Variants in DAAM2 observed in about 807,000 individuals in gnomAD.
The protein encoded by DAAM2 is disheveled-associated activator of morphogenesis 2.
Under a neutral mutation model 120.7 loss-of-function variants are expected in DAAM2, and 39 were observed. That is an observed-to-expected ratio of 0.32 (90% CI 0.25 to 0.42). The LOEUF is 0.42. Among genes scored for constraint, DAAM2 ranks in the 10% least tolerant of loss-of-function variants. The pLI is 1.00. For missense variants in DAAM2, 1,283 were observed against 1,401.7 expected (o/e 0.92, Z 1.35); for synonymous variants, 488 against 524.9 (o/e 0.93, Z 0.96).
rs1390604241 is a variant in DAAM2, at chr6:39,904,118, C to G, written c.*2081C>G. On this transcript the variant is annotated 3_prime_UTR_variant, in exon 25 of 25. Coordinates refer to ENST00000274867, the MANE Select transcript of DAAM2 (RefSeq NM_001201427.2). Reference sequence around the variant, plus strand: ...CCACAAGCGTGTCTGGCATTCCCACCCACCATGGAAGACTGGATACGCACC... The same window carrying G: ...CCACAAGCGTGTCTGGCATTCCCACGCACCATGGAAGACTGGATACGCACC... 4.5e-6 allele frequency: 2 copies of G among 444,812 alleles called. No homozygotes were observed. Among genetic ancestry groups the G allele is most frequent in the African/African-American group, 2.0e-5 (1 of 49,528 alleles). 27.6% of individuals were successfully genotyped at this position (444,812 alleles called of 1,614,324 possible). A position where few individuals can be genotyped will look rare whatever the true frequency, so the allele number is the denominator to read the frequency against.
intron 3 of DAAM2, 129 bp downstream of exon 3, chr6:39,861,146 C>G (rs1402650929): frequency 9.3e-6 from 7 of 750,136 alleles, no homozygotes; most frequent in Non-Finnish European, 1.7e-5. Context: ...GTTGGAGGAA[C>G]AACAGTGAAT....
intron 1 of DAAM2, among the ~76,000 whole-genome samples, chr6:39,833,034 C>G (rs955865588): frequency 6.6e-6 from 1 of 152,106 alleles, no homozygotes; most frequent in African/African-American, 2.4e-5. Flanking sequence ...CTGTTGCCAG[C>G]CATGTTTGCT....
In DAAM2 at chr6:39,901,712, C is replaced by T; in HGVS notation, c.2983-101C>T. Reference sequence around the variant, plus strand: ...AGTGGGGCCAACAGATACAGGCAGGCAGCATGACCATGGCCTAGGAGTTAG... The same window carrying T: ...AGTGGGGCCAACAGATACAGGCAGGTAGCATGACCATGGCCTAGGAGTTAG... On this transcript the variant is annotated intron_variant, in intron 24 of 24. Transcript: ENST00000274867. This position sits in a 1 kb window ranked among gnomAD's most constrained non-coding sequence, Gnocchi z 4.5. The T allele has an allele frequency of 8.6e-7, 1 of 1,159,438 alleles. No individual in the cohort carries two copies. Among genetic ancestry groups the T allele is most frequent in the Non-Finnish European group, 1.2e-6 (1 of 846,104 alleles). The allele number at this position is 1,159,438 out of a possible 1,614,324, so 71.8% of individuals were successfully genotyped here.
rs140328837 is a variant in DAAM2 at position 39,841,985 on chromosome 6, C to T, written c.-56-14262C>T. On this transcript the variant is annotated intron_variant, in intron 1 of 24. Coordinates refer to ENST00000274867, the MANE Select transcript of DAAM2 (RefSeq NM_001201427.2). ...CAGAAATGAAACAAACAAATGAAAA[C>T]ATCCTGCATTTATCTGAGAATTCCA... is the stretch of plus-strand genomic sequence containing the variant. Among the ~76,000 whole-genome samples, 104 of 152,316 alleles carry T rather than the reference C, an allele frequency of 6.8e-4. 2 individuals are homozygous for T. In the East Asian group the frequency reaches 0.016, roughly 24 times the overall value.
At chr6:39,801,631 C>T (rs1761866354) in intron 1 of DAAM2, among the ~76,000 whole-genome samples, 1 of 152,216 alleles carries the variant, frequency 6.6e-6, no homozygotes, top group Non-Finnish European at 1.5e-5. Flanking sequence ...GTTGCTTGCT[C>T]CTTTGTCCCA....
At chr6:39,844,588 C>T (rs777354501) in intron 1 of DAAM2, among the ~76,000 whole-genome samples, 4 of 152,108 alleles carry the variant, frequency 2.6e-5, no homozygotes, top group Non-Finnish European at 4.4e-5. Flanking sequence ...CGGATGTAAG[C>T]GTCCTTTGAA....
chr6:39,812,251 ATACC>A (rs1190434072), intron 1 of DAAM2, among the ~76,000 whole-genome samples: 1 of 152,164 alleles, frequency 6.6e-6, no homozygotes, highest in Non-Finnish European at 1.5e-5. Flanking sequence ...TCTCTAAATA[ATACC>A]TACCATGTAT....
chr6:39,853,909 A>G (rs946925380), intron 1 of DAAM2, among the ~76,000 whole-genome samples: 11 of 152,204 alleles, frequency 7.2e-5, no homozygotes, highest in African/African-American at 2.7e-4. Flanking sequence ...GACAATGGGC[A>G]GGGGACCCCA....
intron 1 of DAAM2, among the ~76,000 whole-genome samples, chr6:39,846,241 G>A (rs1763584721): frequency 6.6e-6 from 1 of 152,160 alleles, no homozygotes; most frequent in South Asian, 2.1e-4. Flanking sequence ...CGGGCATACA[G>A]TAGGTGCTAA....
intron 19 of DAAM2, among the ~76,000 whole-genome samples, chr6:39,895,297 G>A (rs2149367892): frequency 6.6e-6 from 1 of 152,004 alleles, no homozygotes; most frequent in African/African-American, 2.4e-5. Flanking sequence ...GTGCAGTGGT[G>A]TGATCTCGGC....
intron 2 of DAAM2, among the ~76,000 whole-genome samples, chr6:39,859,788 G>A (rs760278006): frequency 6.6e-6 from 1 of 151,600 alleles, no homozygotes; most frequent in African/African-American, 2.4e-5. Context: ...AATATATGTC[G>A]CCCATGTTAT....
chr6:39,870,584 G>C (rs576804226), intron 8 of DAAM2, 141 bp downstream of exon 8: 2 of 649,080 alleles, frequency 3.1e-6, no homozygotes, highest in South Asian at 1.8e-5. Context: ...CAGCTCTGTG[G>C]GGGGAAGGGG....
At chr6:39,799,372 T>TA (rs1387634101) in intron 1 of DAAM2, among the ~76,000 whole-genome samples, 3 of 152,246 alleles carry the variant, frequency 2.0e-5, no homozygotes, top group Non-Finnish European at 4.4e-5. Context: ...GTTAGCACCG[T>TA]AATAGAAATA....
At chr6:39,886,563 A>G (rs1361630914) in intron 15 of DAAM2, 5 of 398,248 alleles carry the variant, frequency 1.3e-5, no homozygotes, top group Non-Finnish European at 1.8e-5. Flanking sequence ...CTTATTCCCC[A>G]TTCATACAGG....
At chr6:39,861,582 TC>T (rs1397928232) in intron 3 of DAAM2, 1 of 189,550 alleles carries the variant, frequency 5.3e-6, no homozygotes, top group African/African-American at 2.3e-5. Flanking sequence ...TCTCCTCCCT[TC>T]TGCTTTCCCA....
intron 1 of DAAM2, among the ~76,000 whole-genome samples, chr6:39,816,490 A>T (rs1305015197): frequency 1.3e-5 from 2 of 152,180 alleles, no homozygotes; most frequent in Non-Finnish European, 2.9e-5. Flanking sequence ...AACATTTACT[A>T]GTTACGAGAA....
rs369765983 is a variant in DAAM2 at position 39,896,998 on chromosome 6, C to A, written c.2510+18C>A. Reference sequence around the variant, plus strand: ...ATCGACAGGTGAGGACCTCCCTTCCCGGCCACTTCCTTGGCCTCTATCTCA... The same window carrying A: ...ATCGACAGGTGAGGACCTCCCTTCCAGGCCACTTCCTTGGCCTCTATCTCA... On this transcript the variant is annotated intron_variant, in intron 20 of 24. Coordinates refer to ENST00000274867, the MANE Select transcript of DAAM2 (RefSeq NM_001201427.2). The A allele has an allele frequency of 6.3e-7, 1 of 1,594,640 alleles. No homozygotes were observed. Among genetic ancestry groups the A allele is most frequent in the South Asian group, 1.2e-5 (1 of 86,784 alleles).
At chr6:39,810,560 G>A (rs1561997210) in intron 1 of DAAM2, among the ~76,000 whole-genome samples, 1 of 152,226 alleles carries the variant, frequency 6.6e-6, no homozygotes, top group South Asian at 2.1e-4. Flanking sequence ...GTACCTGGAA[G>A]TTACACCCAC....
intron 15 of DAAM2, 54 bp from the exon 16 acceptor site, chr6:39,887,404 TAGGAGGTGGCTCTTGCGGGGCGGGTAAG>T: frequency 1.1e-6 from 1 of 890,534 alleles, no homozygotes; most frequent in Non-Finnish European, 1.8e-6. Flanking sequence ...CCTGGATTGG[TAGGAGGTGGCTCTTGCGGGGCGGGTAAG>T]AGGAGGATTA....
Sources: gnomAD v4.1 joint callset for allele counts (sites outside exome capture counted in the v4.1 genomes callset) on GRCh38, gnomAD v4.1.1 for gene constraint, Gnocchi (gnomAD v3.1) non-coding constraint, MANE v1.5 for transcripts, NCBI Gene and HGNC (gene_info 2026-07-23, HGNC 2026-07-21) for gene names.